The following NKAIN2 variants were observed in gnomAD, a reference collection of about 807,000 sequenced individuals.
The protein encoded by NKAIN2 is sodium/potassium-transporting ATPase subunit beta-1-interacting protein 2.
Under a neutral mutation model 32.6 loss-of-function variants are expected in NKAIN2, and 14 were observed. The ratio of observed to expected loss-of-function variants is 0.43; its 90% CI spans 0.28 to 0.67. The LOEUF (loss-of-function observed/expected upper bound fraction) is 0.67. Among genes scored for constraint, NKAIN2 ranks in the 30% least tolerant of loss-of-function variants. The pLI is 0.17. For synonymous variants in NKAIN2, 80 were observed against 87.2 expected, an observed-to-expected ratio of 0.92 and a Z score of 0.46; for missense variants, 198 against 258.3, an observed-to-expected ratio of 0.77 and a Z score of 1.60.
In NKAIN2 at chr6:124,277,217, T is replaced by A. The variant is rs191432504; in HGVS notation, c.55-5788T>A. Among the ~76,000 whole-genome samples, 10 of 152,248 alleles carry A rather than the reference T, an allele frequency of 6.6e-5. No individual in the cohort carries two copies. In the East Asian group the frequency reaches 1.9e-3, roughly 29 times the overall value. ...AAACTAGAAATTAGCCATACTTGAC[T>A]GGAATGTAAAAACAAACAAACGAAT... On this transcript the variant is annotated intron_variant, in intron 1 of 6. Coordinates refer to ENST00000368417, the MANE Select transcript of NKAIN2 (RefSeq NM_001040214.3).
intron 1 of NKAIN2, among the ~76,000 whole-genome samples, chr6:124,196,374 G>A (rs1790316035): frequency 6.6e-6 from 1 of 152,068 alleles, no homozygotes; most frequent in South Asian, 2.1e-4. Flanking sequence ...AGACAAGAAG[G>A]TTCCACTATA....
intron 1 of NKAIN2, among the ~76,000 whole-genome samples, chr6:124,201,724 A>G (rs1302977170): frequency 1.3e-5 from 2 of 152,020 alleles, no homozygotes; most frequent in African/African-American, 4.8e-5. Flanking sequence ...CGTCCTTTCA[A>G]ACATGTGCTG....
chr6:124,213,569 CAG>C (rs1234404657), intron 1 of NKAIN2, among the ~76,000 whole-genome samples: 1 of 151,940 alleles, frequency 6.6e-6, no homozygotes, highest in Non-Finnish European at 1.5e-5. Flanking sequence ...AACAGATTGT[CAG>C]AGGGAGAAAT....
At position 124,087,507 on chromosome 6, in the gene NKAIN2, T is replaced by G. The variant is rs145221293; in HGVS notation, c.55-195498T>G. On this transcript the variant is annotated intron_variant, in intron 1 of 6. Coordinates refer to ENST00000368417, the MANE Select transcript of NKAIN2 (RefSeq NM_001040214.3). ...ACTTCACAGATGACATAATTGTCTG[T>G]GTAGAAAATCTAAAAGAATTGACAA... 4.1e-3 allele frequency among the ~76,000 whole-genome samples: 622 copies of G among 152,108 alleles called. 5 individuals carry two copies. Among genetic ancestry groups the G allele is most frequent in the African/African-American group, 0.014 (590 of 41,526 alleles).
At chr6:124,693,604 G>A (rs1774360437) in intron 4 of NKAIN2, among the ~76,000 whole-genome samples, 1 of 152,170 alleles carries the variant, frequency 6.6e-6, no homozygotes, top group Non-Finnish European at 1.5e-5. Context: ...GATGAGAGAA[G>A]GCAAGGTGAA....
At chr6:124,176,324 G>C (rs544390968) in intron 1 of NKAIN2, among the ~76,000 whole-genome samples, 1 of 152,078 alleles carries the variant, frequency 6.6e-6, no homozygotes, top group Admixed American at 6.5e-5. Flanking sequence ...ATTTAAAAAA[G>C]TATGCCCATA....
chr6:124,540,413 A>T (rs1779869185), intron 3 of NKAIN2, among the ~76,000 whole-genome samples: 1 of 152,232 alleles, frequency 6.6e-6, no homozygotes, highest in Admixed American at 6.5e-5. Context: ...GCAGTTATAA[A>T]GCTATCTTTC....
intron 1 of NKAIN2, among the ~76,000 whole-genome samples, chr6:124,231,873 A>G (rs961772330): frequency 6.6e-6 from 1 of 151,458 alleles, no homozygotes; most frequent in African/African-American, 2.4e-5. Flanking sequence ...ATATATATAT[A>G]CTTGCACATA....
At chr6:124,407,847 T>C (rs1040562215) in intron 3 of NKAIN2, among the ~76,000 whole-genome samples, 29 of 149,328 alleles carry the variant, frequency 1.9e-4, no homozygotes, top group Admixed American at 1.5e-3. Flanking sequence ...CCACATCCTC[T>C]CCAGCACCTG....
At chr6:124,246,295 G>T (rs2114793192) in intron 1 of NKAIN2, among the ~76,000 whole-genome samples, 1 of 152,146 alleles carries the variant, frequency 6.6e-6, no homozygotes, top group East Asian at 1.9e-4. Flanking sequence ...AAAAGACATT[G>T]ATGTCTCTCC....
chr6:124,714,301 G>A (rs908592185), intron 4 of NKAIN2, among the ~76,000 whole-genome samples: 2 of 152,166 alleles, frequency 1.3e-5, no homozygotes, highest in Non-Finnish European at 2.9e-5. Context: ...ACCAGAGGCA[G>A]CTATTTGATT....
chr6:124,591,068 A>G (rs956995813), intron 3 of NKAIN2, among the ~76,000 whole-genome samples: 9 of 152,244 alleles, frequency 5.9e-5, no homozygotes, highest in Admixed American at 5.2e-4. Flanking sequence ...GGACCTGGTA[A>G]GTCTGAGCCT....
intron 1 of NKAIN2, among the ~76,000 whole-genome samples, chr6:123,990,950 A>G (rs1383175517): frequency 6.6e-6 from 1 of 152,216 alleles, no homozygotes; most frequent in Non-Finnish European, 1.5e-5. Context: ...TAATTAGCCA[A>G]TTGGATTTCA....
intron 1 of NKAIN2, among the ~76,000 whole-genome samples, chr6:124,097,198 G>A (rs1463897621): frequency 6.6e-6 from 1 of 151,780 alleles, no homozygotes; most frequent in East Asian, 2.0e-4. Context: ...TCACGAGGTC[G>A]AGACCATCAT....
intron 1 of NKAIN2, among the ~76,000 whole-genome samples, chr6:124,020,562 A>G (rs234464): frequency 0.35 from 53,911 of 151,994 alleles, 9,872 homozygotes; most frequent in Non-Finnish European, 0.4. Context: ...AAAGAAAACC[A>G]ATAAAAAACA....
At chr6:124,390,756 G>T (rs1583174189) in intron 3 of NKAIN2, 1 of 152,086 alleles carries the variant, frequency 6.6e-6, no homozygotes, top group African/African-American at 2.4e-5. Context: ...ACTGGTGGAA[G>T]GAGCCATGTT....
At chr6:123,984,047 A>G (rs1779025191) in intron 1 of NKAIN2, among the ~76,000 whole-genome samples, 1 of 152,088 alleles carries the variant, frequency 6.6e-6, no homozygotes, top group Non-Finnish European at 1.5e-5. Context: ...AGCTGGGGTT[A>G]CAGGCATGTG....
chr6:124,711,774 A>G (rs1442986427), intron 4 of NKAIN2, among the ~76,000 whole-genome samples: 1 of 152,060 alleles, frequency 6.6e-6, no homozygotes, highest in East Asian at 1.9e-4. Context: ...ATGTCCTCCC[A>G]TAGCTCAGAG....
At position 124,231,135 on chromosome 6, in the gene NKAIN2, A is replaced by G. The variant is rs113092704; in HGVS notation, c.55-51870A>G. Among the ~76,000 whole-genome samples, 741 of 152,332 alleles carry G rather than the reference A, an allele frequency of 4.9e-3. 8 individuals are homozygous for G. The highest frequency in any genetic ancestry group is 0.017 in the African/African-American group (690 of 41,580). On this transcript the variant is annotated intron_variant, in intron 1 of 6. Coordinates refer to ENST00000368417, the MANE Select transcript of NKAIN2 (RefSeq NM_001040214.3). ...GATGTGAGACACGGTGTCAAAGGAA[A>G]TCATTTTGGAGCTTTAAGATTTAAT...
Sources: gnomAD v4.1 joint callset for allele counts (sites outside exome capture counted in the v4.1 genomes callset) on GRCh38, gnomAD v4.1.1 for gene constraint, MANE v1.5 for transcripts, NCBI Gene and HGNC (gene_info 2026-07-23, HGNC 2026-07-21) for gene names.